Variants in AP1G1 observed in about 807,000 individuals in gnomAD.
AP1G1 encodes AP-1 complex subunit gamma-1.
AP1G1 carries 7 observed loss-of-function variants against 108.3 expected under a neutral mutation model. The ratio of observed to expected loss-of-function variants is 0.06; its 90% CI spans 0.04 to 0.12. The LOEUF (loss-of-function observed/expected upper bound fraction) is 0.12. Ranked by LOEUF, AP1G1 falls within the 10% of genes least tolerant of loss-of-function variation. AP1G1 has a pLI of 1.00. For missense variants in AP1G1, 756 were observed against 1,010.7 expected, an observed-to-expected ratio of 0.75 and a Z score of 3.42; for synonymous variants, 379 against 353.5, an observed-to-expected ratio of 1.07 and a Z score of -0.81.
intron 13 of AP1G1, among the ~76,000 whole-genome samples, chr16:71,751,782 A>C (rs75817832): frequency 2.2e-3 from 330 of 152,326 alleles, no homozygotes; most frequent in Admixed American, 8.2e-3. Flanking sequence ...AAAATATCTT[A>C]ACAAATTTCA....
chr16:71,796,516 T>A (rs753838828), intron 1 of AP1G1, among the ~76,000 whole-genome samples: 1 of 151,906 alleles, frequency 6.6e-6, no homozygotes, highest in Non-Finnish European at 1.5e-5. Context: ...GAAAAGCATA[T>A]CCCCCCCTTG....
chr16:71,791,734 G>A (rs1191743319), intron 1 of AP1G1, among the ~76,000 whole-genome samples: 1 of 150,258 alleles, frequency 6.7e-6, no homozygotes, highest in African/African-American at 2.4e-5. Context: ...CACACGGCTG[G>A]GCCTATAAAA....
chr16:71,808,431 T>G, intron 1 of AP1G1: 1 of 1,173,520 alleles, frequency 8.5e-7, no homozygotes, highest in Non-Finnish European at 1.1e-6. Context: ...CCCGCCCCGC[T>G]AAACCCCAGG....
intron 2 of AP1G1, among the ~76,000 whole-genome samples, chr16:71,778,730 T>G (rs1597073035): frequency 1.3e-5 from 2 of 148,240 alleles, no homozygotes; most frequent in Non-Finnish European, 3.0e-5. Flanking sequence ...GTTATCAAAG[T>G]TATCAAATGT....
rs1175825347 is a variant in AP1G1 at position 71,790,315 on chromosome 16, C to T, written c.-3-833G>A. On this transcript the variant is annotated intron_variant, in intron 1 of 22. Transcript: ENST00000299980. ...CAGCACTTTGGGAGGCCAAGGTGGG[C>T]GGATCACCTGAGGTCGGGAGTTCGA... 5.9e-5 allele frequency among the ~76,000 whole-genome samples: 9 copies of T among 151,854 alleles called. No individual in the cohort carries two copies. The East Asian group carries it at 1.7e-3, about 29-fold the overall frequency.
intron 1 of AP1G1, among the ~76,000 whole-genome samples, chr16:71,805,921 T>A (rs1203056537): frequency 6.6e-6 from 1 of 151,884 alleles, no homozygotes; most frequent in East Asian, 1.9e-4. Flanking sequence ...CGTGGAGGGC[T>A]GAGGCAGGAG....
chr16:71,798,108 C>T (rs2142273870), intron 1 of AP1G1, among the ~76,000 whole-genome samples: 1 of 152,300 alleles, frequency 6.6e-6, no homozygotes, highest in Admixed American at 6.5e-5. Context: ...CTAAAATAAA[C>T]TTGAACAAAC....
At chr16:71,772,986 A>G (rs753720412) in intron 4 of AP1G1, 66 of 600,284 alleles carry the variant, frequency 1.1e-4, no homozygotes, top group Non-Finnish European at 1.9e-4. Flanking sequence ...TTAGAATCAG[A>G]TAACTTAGGA....
chr16:71,774,833 G>C (rs1162984682), intron 2 of AP1G1, among the ~76,000 whole-genome samples: 2 of 151,812 alleles, frequency 1.3e-5, no homozygotes, highest in Non-Finnish European at 2.9e-5. Context: ...CCATTCTCCT[G>C]CCTCAGCCTC....
Position 71,750,306 on chromosome 16 carries a change from T to C in AP1G1, c.1311A>G (p.Ala437=), listed in dbSNP as rs749084937. 103 of 1,613,982 alleles carry C rather than the reference T, an allele frequency of 6.4e-5. No individual in the cohort carries two copies. The East Asian group carries it at 2.2e-3, about 35-fold the overall frequency. The part of the protein sequence containing the change: ...TTAGSYVRDD[A]VPNLIQLITN... Reference sequence around the variant, plus strand: ...TTATTAACTGGATTAAATTGGGGACTGCATCATCACGAACATAACTTCCTG... The same window carrying C: ...TTATTAACTGGATTAAATTGGGGACCGCATCATCACGAACATAACTTCCTG... Residue 437 remains alanine (A), a synonymous_variant, in exon 14 of 23, where the codon GCA becomes GCG. Coordinates refer to ENST00000299980, the MANE Select transcript of AP1G1 (RefSeq NM_001128.6).
At position 71,730,989 on chromosome 16, in the gene AP1G1, G is replaced by T. The variant is rs1309226571; in HGVS notation, c.*2069C>A. On this transcript the variant is annotated 3_prime_UTR_variant, in exon 23 of 23. Transcript: ENST00000299980. Reference sequence around the variant, plus strand: ...GAGCTGGTTAGCTACAAATATAAGAGAGAAAATAAAGCCTCTACACAAAGA... The same window carrying T: ...GAGCTGGTTAGCTACAAATATAAGATAGAAAATAAAGCCTCTACACAAAGA... 6.6e-6 allele frequency: 1 copy of T among 152,362 alleles called. No individual in the cohort carries two copies. Among genetic ancestry groups the T allele is most frequent in the African/African-American group, 2.4e-5 (1 of 41,424 alleles). The allele number at this position is 152,362 out of a possible 1,614,324, so 9.4% of individuals were successfully genotyped here.
intron 9 of AP1G1, among the ~76,000 whole-genome samples, chr16:71,761,939 T>C (rs1416207253): frequency 4.0e-5 from 6 of 151,574 alleles, no homozygotes; most frequent in Non-Finnish European, 8.8e-5. Context: ...GGAAGAATAA[T>C]ATTAGTACAG....
Position 71,739,205 on chromosome 16 carries a change from T to C in AP1G1, c.2107+29A>G, listed in dbSNP as rs192938625. The C allele has an allele frequency of 1.0e-5, 16 of 1,603,138 alleles. No homozygotes were observed. The Admixed American group carries it at 1.7e-4, about 17-fold the overall frequency. On this transcript the variant is annotated intron_variant, in intron 20 of 22. Coordinates refer to ENST00000299980, the MANE Select transcript of AP1G1 (RefSeq NM_001128.6). ...CCACATCTCATTACTCAGTGCTCCA[T>C]GTAATGATGGTAACAACAGTCATCG...
At chr16:71,806,558 A>G in intron 1 of AP1G1, 1 of 475,302 alleles carries the variant, frequency 2.1e-6, no homozygotes, top group Non-Finnish European at 3.3e-6. Flanking sequence ...ACATTTAAAT[A>G]CCAATATATT....
intron 15 of AP1G1, among the ~76,000 whole-genome samples, 188 bp downstream of exon 15, chr16:71,749,706 G>C (rs1013854597): frequency 1.3e-5 from 2 of 151,962 alleles, no homozygotes; most frequent in Non-Finnish European, 2.9e-5. Flanking sequence ...GCCCAGGCTG[G>C]TCTCAAACTC....
At chr16:71,803,859 G>C (rs1430908769) in intron 1 of AP1G1, among the ~76,000 whole-genome samples, 1 of 148,918 alleles carries the variant, frequency 6.7e-6, no homozygotes, top group Non-Finnish European at 1.5e-5. Flanking sequence ...AGGGGGCGGA[G>C]GTTGCAGTAA....
chr16:71,776,781 GTTTT>G (rs920464454), intron 2 of AP1G1, among the ~76,000 whole-genome samples: 1 of 151,252 alleles, frequency 6.6e-6, no homozygotes, highest in Non-Finnish European at 1.5e-5. Flanking sequence ...TTTTGTTTTG[GTTTT>G]TTTTGCACGA....
At chr16:71,773,099 G>A (rs1477567136) in intron 4 of AP1G1, 122 bp downstream of exon 4, 5 of 1,067,506 alleles carry the variant, frequency 4.7e-6, no homozygotes, top group Non-Finnish European at 7.0e-6. Flanking sequence ...ATGTAAAACA[G>A]ATTTACTACA....
chr16:71,767,894 C>A, intron 6 of AP1G1: 1 of 1,599,174 alleles, frequency 6.3e-7, no homozygotes, highest in Admixed American at 1.7e-5. Flanking sequence ...TTCTAACATA[C>A]AGCAGGATTC....
Sources: gnomAD v4.1 joint callset for allele counts (sites outside exome capture counted in the v4.1 genomes callset) on GRCh38, gnomAD v4.1.1 for gene constraint, MANE v1.5 for transcripts, NCBI Gene and HGNC (gene_info 2026-07-23, HGNC 2026-07-21) for gene names.